Variants in RALYL observed in about 807,000 individuals in gnomAD.
RALYL encodes RALY RNA binding protein like.
In RALYL, 29 loss-of-function variants were observed where a neutral mutation model predicts 35.1. That is an observed-to-expected ratio of 0.83 (90% CI 0.61 to 1.13). The LOEUF (loss-of-function observed/expected upper bound fraction) is 1.13, where lower values mean the gene tolerates loss of function less well. Among genes scored for constraint, RALYL ranks in the 50% most tolerant of loss-of-function variants. The probability of loss-of-function intolerance (pLI) is 0.00; values close to 1 mark genes in which losing one functional copy is unlikely to be tolerated. For synonymous variants in RALYL, 120 were observed against 127.6 expected (o/e 0.94, Z 0.40); for missense variants, 359 against 360.4 (o/e 1.00, Z 0.03).
At chr8:84,601,722 G>T (rs1816009095) in intron 2 of RALYL, among the ~76,000 whole-genome samples, 2 of 150,782 alleles carry the variant, frequency 1.3e-5, no homozygotes, top group African/African-American at 4.9e-5. Flanking sequence ...ATTGTTAGGA[G>T]AAAAAAAAAC....
At chr8:84,199,176 A>T (rs1210308939) in intron 1 of RALYL, among the ~76,000 whole-genome samples, 4 of 151,984 alleles carry the variant, frequency 2.6e-5, no homozygotes, top group African/African-American at 9.7e-5. Flanking sequence ...TGGCTTTTGG[A>T]TGTAAGTCAT....
intron 2 of RALYL, among the ~76,000 whole-genome samples, chr8:84,562,518 G>A (rs2061528585): frequency 6.6e-6 from 1 of 151,778 alleles, no homozygotes; most frequent in Non-Finnish European, 1.5e-5. Flanking sequence ...GTTATAATTA[G>A]GAGTTCCATC....
At chr8:84,882,437 G>T (rs1326580049) in intron 7 of RALYL, among the ~76,000 whole-genome samples, 1 of 151,944 alleles carries the variant, frequency 6.6e-6, no homozygotes, top group Non-Finnish European at 1.5e-5. Flanking sequence ...TTTGTGGTTT[G>T]GGATTGTCAT....
intron 1 of RALYL, among the ~76,000 whole-genome samples, chr8:84,263,553 A>G (rs1464108827): frequency 1.3e-5 from 2 of 152,174 alleles, no homozygotes; most frequent in Admixed American, 1.3e-4. Flanking sequence ...TGTTAACCAA[A>G]GGTTAATCTA....
At chr8:84,427,431 A>G (rs9650294) in intron 1 of RALYL, among the ~76,000 whole-genome samples, 2,881 of 152,302 alleles carry the variant, frequency 0.019, 47 homozygotes, top group Non-Finnish European at 0.032. Context: ...AGCTTGTTCT[A>G]TTAATCTGTG....
Position 84,844,667 on chromosome 8 carries a change from C to CATGT in RALYL, c.366-5308_366-5305dup, listed in dbSNP as rs548417594. On this transcript the variant is annotated intron_variant, in intron 4 of 8. Transcript: ENST00000521268. ...TCATGCTGCTATAAAGACACATGCACATGTATGTTTATTGCAGCACTATTC... is the reference window on the plus strand; with the variant it reads ...TCATGCTGCTATAAAGACACATGCACATGTATGTATGTTTATTGCAGCACTATTC... Among the ~76,000 whole-genome samples, 456 of 152,314 alleles carry CATGT rather than the reference C, an allele frequency of 3.0e-3. 1 individual carries two copies. The highest frequency in any genetic ancestry group is 0.011 in the African/African-American group (444 of 41,558).
chr8:84,331,513 G>A (rs1846817060), intron 1 of RALYL, among the ~76,000 whole-genome samples: 1 of 152,046 alleles, frequency 6.6e-6, no homozygotes, highest in Admixed American at 6.6e-5. Context: ...CTTTCTTGAA[G>A]CTGTCTTCAG....
At chr8:84,660,870 T>G (rs554652476) in intron 2 of RALYL, among the ~76,000 whole-genome samples, 1 of 152,198 alleles carries the variant, frequency 6.6e-6, no homozygotes, top group South Asian at 2.1e-4. Flanking sequence ...GATGTAGAAT[T>G]TAGTATCTTA....
At chr8:84,368,809 T>C (rs28523917) in intron 1 of RALYL, among the ~76,000 whole-genome samples, 9,221 of 152,202 alleles carry the variant, frequency 0.061, 315 homozygotes, top group Middle Eastern at 0.095. Flanking sequence ...GAGATATGGG[T>C]GGGGACACAA....
chr8:84,802,555 C>G (rs1019511248), intron 3 of RALYL, among the ~76,000 whole-genome samples: 30 of 152,018 alleles, frequency 2.0e-4, no homozygotes, highest in Non-Finnish European at 3.5e-4. Context: ...CAATATATGT[C>G]CCTGTATGCT....
intron 2 of RALYL, among the ~76,000 whole-genome samples, chr8:84,574,395 C>T (rs1442022743): frequency 6.6e-6 from 1 of 152,042 alleles, no homozygotes; most frequent in Non-Finnish European, 1.5e-5. Flanking sequence ...TTCAGTTACA[C>T]TCTCAGGGAG....
chr8:84,555,200 A>C (rs1027798935), intron 2 of RALYL, among the ~76,000 whole-genome samples: 1 of 152,010 alleles, frequency 6.6e-6, no homozygotes, highest in Admixed American at 6.5e-5. Context: ...AATCGCTTGA[A>C]CCCGGGAGGC....
At chr8:84,337,981 C>A (rs995544331) in intron 1 of RALYL, among the ~76,000 whole-genome samples, 6 of 152,132 alleles carry the variant, frequency 3.9e-5, no homozygotes, top group Non-Finnish European at 7.4e-5. Context: ...ATAATTCTTA[C>A]AGCTCAAATT....
At chr8:84,378,367 G>A (rs1857324596) in intron 1 of RALYL, among the ~76,000 whole-genome samples, 1 of 151,868 alleles carries the variant, frequency 6.6e-6, no homozygotes, top group Admixed American at 6.6e-5. Context: ...TATTTCCAAA[G>A]ATAAATGTGC....
At chr8:84,896,234 G>T (rs547390956) in intron 8 of RALYL, among the ~76,000 whole-genome samples, 21 of 152,234 alleles carry the variant, frequency 1.4e-4, no homozygotes, top group African/African-American at 4.3e-4. Flanking sequence ...AGCCACATCA[G>T]GTTCCACATT....
intron 1 of RALYL, among the ~76,000 whole-genome samples, chr8:84,413,854 C>A (rs988446358): frequency 6.6e-6 from 1 of 151,964 alleles, no homozygotes; most frequent in Non-Finnish European, 1.5e-5. Context: ...AAATCATTGT[C>A]GTCATCATTA....
chr8:84,801,092 T>C (rs549328752), intron 3 of RALYL, among the ~76,000 whole-genome samples: 3 of 152,288 alleles, frequency 2.0e-5, no homozygotes, highest in Admixed American at 2.0e-4. Flanking sequence ...AGCTAAGCAG[T>C]TGGTTTCAAA....
chr8:84,251,497 C>A (rs1280371394), intron 1 of RALYL, among the ~76,000 whole-genome samples: 2 of 151,838 alleles, frequency 1.3e-5, no homozygotes, highest in Non-Finnish European at 2.9e-5. Flanking sequence ...TTGAAAGAAG[C>A]AAGTTCTATC....
intron 1 of RALYL, among the ~76,000 whole-genome samples, chr8:84,377,465 T>TG (rs202181788): frequency 2.2e-3 from 323 of 149,036 alleles, no homozygotes; most frequent in African/African-American, 7.4e-3. Context: ...TTTTTTTTTT[T>TG]TTTTTTTTTT....
Sources: allele counts gnomAD v4.1 joint callset (sites outside exome capture counted in the v4.1 genomes callset), GRCh38; gene constraint gnomAD v4.1.1; transcripts MANE v1.5; gene names NCBI Gene and HGNC (gene_info 2026-07-23, HGNC 2026-07-21).